Variants in NAV3 observed in about 807,000 individuals in gnomAD.
NAV3 encodes the protein neuron navigator 3.
NAV3 carries 87 observed loss-of-function variants against 244.7 expected under a neutral mutation model. The ratio of observed to expected loss-of-function variants is 0.36; its 90% CI spans 0.30 to 0.42. The LOEUF is 0.42. Ranked by LOEUF, NAV3 falls within the 20% of genes least tolerant of loss-of-function variation. The probability of loss-of-function intolerance (pLI) is 1.00; values close to 1 mark genes in which losing one functional copy is unlikely to be tolerated. For synonymous variants in NAV3, 1,126 were observed against 1,042.2 expected (o/e 1.08, Z -1.55); for missense variants, 2,663 against 2,893.3 (o/e 0.92, Z 1.83).
chr12:77,818,139 A>G (rs915962154), intron 2 of NAV3, among the ~76,000 whole-genome samples: 1 of 152,154 alleles, frequency 6.6e-6, no homozygotes, highest in East Asian at 1.9e-4. Flanking sequence ...AAACAATTTA[A>G]GGAAAATGCA....
At chr12:77,771,657 A>C (rs1421169762) in intron 2 of NAV3, among the ~76,000 whole-genome samples, 2 of 152,094 alleles carry the variant, frequency 1.3e-5, no homozygotes, top group East Asian at 1.9e-4. Context: ...GCAAACTATC[A>C]CAAGGACAAA....
intron 1 of NAV3, among the ~76,000 whole-genome samples, chr12:77,903,805 A>G (rs1885612012): frequency 6.6e-6 from 1 of 151,798 alleles, no homozygotes; most frequent in Non-Finnish European, 1.5e-5. Flanking sequence ...CAAGAAAGAA[A>G]CAAACAACCC....
chr12:77,777,814 CT>C (rs1013769596), intron 2 of NAV3, among the ~76,000 whole-genome samples: 31 of 132,514 alleles, frequency 2.3e-4, no homozygotes, highest in Non-Finnish European at 4.9e-4. Context: ...TTTCTTTTTT[CT>C]TTTTTTTTTG....
rs144744974 is a variant in NAV3 at position 77,817,703 on chromosome 12, T to G, written c.73-122616T>G. 1.1e-3 allele frequency among the ~76,000 whole-genome samples: 168 copies of G among 152,298 alleles called. 1 individual carries two copies. The highest frequency in any genetic ancestry group is 3.9e-3 in the African/African-American group (162 of 41,568). ...GCTTTTTAAAATTATTTTTCTTGTT[T>G]ATGTACACTGTAGCAGTTATGGTCA... On this transcript the variant is annotated intron_variant, in intron 2 of 8. Transcript: ENST00000550042.
chr12:77,763,773 G>A (rs1311733022), intron 2 of NAV3, among the ~76,000 whole-genome samples: 1 of 152,222 alleles, frequency 6.6e-6, no homozygotes, highest in East Asian at 1.9e-4. Context: ...GCTCCTTGGA[G>A]CATCTGGTTG....
rs1958411041 is a variant in NAV3, at chr12:78,179,538, A to G, written c.5373A>G (p.Glu1791=). 6.2e-7 allele frequency: 1 copy of G among 1,613,064 alleles called. No homozygotes were observed. The highest frequency in any genetic ancestry group is 1.3e-5 in the African/African-American group (1 of 74,874). ...TTGTTTCCTTCTTCAGGATCTGTGA[A>G]TGCACAGAAGCTGAGGCAGAGATAA... ...VIYKHRSRIC[E]CTEAEAEIIL... The change falls in exon 29 of 40, where the codon GAA becomes GAG. Residue 1791 remains glutamate, a synonymous_variant. Transcript: ENST00000397909.
intron 12 of NAV3, among the ~76,000 whole-genome samples, chr12:78,106,008 T>A (rs1954784036): frequency 6.6e-6 from 1 of 151,530 alleles, no homozygotes. Context: ...TTCCTAGACT[T>A]AAATATTAGT....
At chr12:78,005,505 A>G (rs1218333892) in intron 7 of NAV3, among the ~76,000 whole-genome samples, 4 of 152,218 alleles carry the variant, frequency 2.6e-5, no homozygotes, top group African/African-American at 9.6e-5. Context: ...GATTGTTGGC[A>G]ATGCAGAACC....
At chr12:77,884,547 A>G (rs776747349) in intron 1 of NAV3, among the ~76,000 whole-genome samples, 1 of 152,104 alleles carries the variant, frequency 6.6e-6, no homozygotes, top group Non-Finnish European at 1.5e-5. Context: ...TCTGGTGCCC[A>G]ATGGCAGAAA....
chr12:77,921,622 T>C (rs1887718034), intron 1 of NAV3, among the ~76,000 whole-genome samples: 1 of 152,088 alleles, frequency 6.6e-6, no homozygotes, highest in Non-Finnish European at 1.5e-5. Context: ...GGAGTTAAAA[T>C]GAGAGTTACA....
At chr12:77,580,219 AACACAC>A (rs59671759) in intron 2 of NAV3, among the ~76,000 whole-genome samples, 1,679 of 145,462 alleles carry the variant, frequency 0.012, 19 homozygotes, top group African/African-American at 0.038. Flanking sequence ...GTAGGGTGGG[AACACAC>A]ACACACACAC....
At chr12:78,046,443 T>C (rs1379869663) in intron 9 of NAV3, among the ~76,000 whole-genome samples, 1 of 152,234 alleles carries the variant, frequency 6.6e-6, no homozygotes, top group African/African-American at 2.4e-5. Context: ...TTTATTCTCA[T>C]TGGTTTCAAA....
chr12:78,115,051 T>G (rs75981855), intron 12 of NAV3, among the ~76,000 whole-genome samples: 467 of 152,330 alleles, frequency 3.1e-3, no homozygotes, highest in Non-Finnish European at 5.7e-3. Flanking sequence ...TTTGGACTTA[T>G]GATGTAGCTC....
At chr12:77,766,050 G>C (rs1296942523) in intron 2 of NAV3, among the ~76,000 whole-genome samples, 2 of 152,128 alleles carry the variant, frequency 1.3e-5, no homozygotes, top group Non-Finnish European at 2.9e-5. Flanking sequence ...TAAGGGATAT[G>C]AGCAAGAGGA....
chr12:78,076,422 G>T (rs1361163530), intron 12 of NAV3, among the ~76,000 whole-genome samples: 2 of 152,196 alleles, frequency 1.3e-5, no homozygotes, highest in Non-Finnish European at 2.9e-5. Context: ...AGGACTCTGT[G>T]TCTGTCTTTT....
intron 1 of NAV3, among the ~76,000 whole-genome samples, chr12:77,888,211 G>A (rs1055581845): frequency 2.6e-5 from 4 of 151,980 alleles, no homozygotes; most frequent in African/African-American, 9.7e-5. Context: ...ATCCAAATAG[G>A]CCAAGCATGG....
intron 1 of NAV3, among the ~76,000 whole-genome samples, chr12:77,881,868 A>T (rs1398040428): frequency 1.3e-5 from 2 of 152,148 alleles, no homozygotes; most frequent in African/African-American, 2.4e-5. Context: ...CAGCTAACCA[A>T]GGTGGTGAAC....
chr12:77,655,031 A>G (rs552955124), intron 2 of NAV3, among the ~76,000 whole-genome samples: 38 of 152,188 alleles, frequency 2.5e-4, no homozygotes, highest in Non-Finnish European at 4.9e-4. Context: ...GAAAAACTGG[A>G]AACTCTAAAA....
At chr12:77,988,729 AT>A (rs1370298086) in intron 5 of NAV3, among the ~76,000 whole-genome samples, 1 of 152,008 alleles carries the variant, frequency 6.6e-6, no homozygotes, top group Non-Finnish European at 1.5e-5. Flanking sequence ...AAAAACCCTT[AT>A]TTTACTGCTT....
Sources: gnomAD v4.1 joint callset for allele counts (sites outside exome capture counted in the v4.1 genomes callset) on GRCh38, gnomAD v4.1.1 for gene constraint, MANE v1.5 for transcripts, NCBI Gene and HGNC (gene_info 2026-07-23, HGNC 2026-07-21) for gene names.